GRID2: variants seen among roughly 807,000 people sequenced by gnomAD.
GRID2 encodes the protein glutamate ionotropic receptor delta type subunit 2, also known as glutamate receptor ionotropic, delta-2.
GRID2 carries 33 observed loss-of-function variants against 114.8 expected under a neutral mutation model. The ratio of observed to expected loss-of-function variants is 0.29; its 90% CI spans 0.22 to 0.38. The LOEUF is 0.38. GRID2 is among the 10% of genes least tolerant of loss of function. The probability of loss-of-function intolerance (pLI) is 1.00; values close to 1 mark genes in which losing one functional copy is unlikely to be tolerated. For synonymous variants in GRID2, 505 were observed against 449.9 expected (o/e 1.12, Z -1.55); for missense variants, 1,184 against 1,257.7 (o/e 0.94, Z 0.89).
At chr4:92,652,725 C>A (rs1019748216) in intron 2 of GRID2, among the ~76,000 whole-genome samples, 9 of 142,222 alleles carry the variant, frequency 6.3e-5, no homozygotes, top group Non-Finnish European at 1.4e-4. Context: ...AATCCCAGCA[C>A]TTTGGGAGGC....
intron 2 of GRID2, among the ~76,000 whole-genome samples, chr4:93,031,094 T>A (rs1233646924): frequency 6.9e-6 from 1 of 144,520 alleles, no homozygotes; most frequent in Non-Finnish European, 1.5e-5. Context: ...TGGAGTGCAG[T>A]GGCATGGTCT....
chr4:93,142,937 G>T lies in GRID2; in HGVS notation c.735+31984G>T, dbSNP rs551675428. Among the ~76,000 whole-genome samples, 10 of 152,280 alleles carry T rather than the reference G, an allele frequency of 6.6e-5. No individual in the cohort carries two copies. In the East Asian group the frequency reaches 1.5e-3, roughly 24 times the overall value. ...CAGCATCCATAGTATCAGCATTCAC[G>T]TTGGTTTCACATATTTCCCAGGTCA... On this transcript the variant is annotated intron_variant, in intron 4 of 15. Coordinates refer to ENST00000282020, the MANE Select transcript of GRID2 (RefSeq NM_001510.4).
intron 2 of GRID2, among the ~76,000 whole-genome samples, chr4:92,893,410 G>A (rs772277074): frequency 6.6e-6 from 1 of 152,114 alleles, no homozygotes; most frequent in Non-Finnish European, 1.5e-5. Context: ...GAAATAGGAA[G>A]GTATCTGGAT....
intron 2 of GRID2, among the ~76,000 whole-genome samples, chr4:92,901,006 C>T (rs1198811282): frequency 6.6e-6 from 1 of 151,344 alleles, no homozygotes; most frequent in Non-Finnish European, 1.5e-5. Context: ...GATGCCATAT[C>T]TTTGCTATTG....
At chr4:92,383,538 A>G (rs1729718835) in intron 1 of GRID2, among the ~76,000 whole-genome samples, 1 of 151,960 alleles carries the variant, frequency 6.6e-6, no homozygotes, top group Non-Finnish European at 1.5e-5. Context: ...CCCAGGGGTA[A>G]GGTATAGAAA....
chr4:93,407,778 ATCCTCCTCG>A (rs1766651891), intron 9 of GRID2, among the ~76,000 whole-genome samples: 1 of 58,678 alleles, frequency 1.7e-5, no homozygotes, highest in African/African-American at 5.3e-5. Flanking sequence ...CCTCCTCCTC[ATCCTCCTCG>A]TCCTCCTCCT....
intron 1 of GRID2, among the ~76,000 whole-genome samples, chr4:92,431,952 G>C (rs1732477609): frequency 6.6e-6 from 1 of 152,250 alleles, no homozygotes; most frequent in African/African-American, 2.4e-5. Context: ...GTCTGCATTG[G>C]GGGAACCCCA....
chr4:92,485,344 ATATAGTGT>A (rs1392074873), intron 1 of GRID2, among the ~76,000 whole-genome samples: 3 of 60,030 alleles, frequency 5.0e-5, no homozygotes, highest in Admixed American at 1.8e-4. Context: ...ATATATATAT[ATATAGTGT>A]GTGTGTGTGT....
chr4:93,801,193 C>A (rs1444987704), intron 1 of GRID2, among the ~76,000 whole-genome samples: 1 of 151,986 alleles, frequency 6.6e-6, no homozygotes, highest in Non-Finnish European at 1.5e-5. Flanking sequence ...TTTTCCCAAC[C>A]AATTAAACAA....
chr4:92,983,253 A>G (rs112998850), intron 2 of GRID2, among the ~76,000 whole-genome samples: 3 of 152,266 alleles, frequency 2.0e-5, no homozygotes, highest in African/African-American at 7.2e-5. Flanking sequence ...GGAAAATCCA[A>G]GAGCAAGTTC....
At chr4:92,883,579 T>A (rs1295196739) in intron 2 of GRID2, among the ~76,000 whole-genome samples, 1 of 152,328 alleles carries the variant, frequency 6.6e-6, no homozygotes, top group East Asian at 1.9e-4. Flanking sequence ...ATTTCTTAAA[T>A]AATGAGACTG....
rs377412963 is a variant in GRID2, at chr4:92,581,542, G to A, written c.89-8589G>A. 8.5e-5 allele frequency among the ~76,000 whole-genome samples: 13 copies of A among 152,114 alleles called. No individual in the cohort carries two copies. The South Asian group carries it at 1.9e-3, about 22-fold the overall frequency. On this transcript the variant is annotated intron_variant, in intron 1 of 15. Coordinates refer to ENST00000282020, the MANE Select transcript of GRID2 (RefSeq NM_001510.4). ...GGATAACTATACAGGTTTTCCAAAC[G>A]AAATGTGATTTCACATGTTATTGGA...
chr4:93,100,912 C>A (rs1384035347), intron 3 of GRID2, among the ~76,000 whole-genome samples: 2 of 151,970 alleles, frequency 1.3e-5, no homozygotes, highest in East Asian at 1.9e-4. Flanking sequence ...GAGAATGCCA[C>A]TAAATTTTGT....
intron 2 of GRID2, among the ~76,000 whole-genome samples, chr4:92,746,645 G>C (rs544592970): frequency 2.1e-4 from 32 of 152,082 alleles, no homozygotes; most frequent in African/African-American, 7.2e-4. Flanking sequence ...ATCTCTTTAC[G>C]TACTTACAGA....
intron 1 of GRID2, among the ~76,000 whole-genome samples, chr4:92,515,625 G>T (rs1724462687): frequency 6.6e-6 from 1 of 151,952 alleles, no homozygotes; most frequent in Non-Finnish European, 1.5e-5. Flanking sequence ...ACTTTCGAAA[G>T]TTTTATATTT....
chr4:93,501,839 A>C (rs915762241), intron 12 of GRID2, among the ~76,000 whole-genome samples: 1 of 152,032 alleles, frequency 6.6e-6, no homozygotes, highest in African/African-American at 2.4e-5. Flanking sequence ...ATTCTAGACA[A>C]ATCAAATCCT....
At chr4:93,094,345 G>A (rs919247792) in intron 3 of GRID2, among the ~76,000 whole-genome samples, 1 of 151,914 alleles carries the variant, frequency 6.6e-6, no homozygotes, top group South Asian at 2.1e-4. Flanking sequence ...ATATTTTAAG[G>A]ACACCTGGAA....
chr4:92,371,403 G>A (rs1729110249), intron 1 of GRID2, among the ~76,000 whole-genome samples: 1 of 152,130 alleles, frequency 6.6e-6, no homozygotes, highest in African/African-American at 2.4e-5. Flanking sequence ...CATGTTAGGG[G>A]CAAAGGTAGC....
At chr4:92,659,335 G>C (rs994936009) in intron 2 of GRID2, among the ~76,000 whole-genome samples, 1 of 151,468 alleles carries the variant, frequency 6.6e-6, no homozygotes, top group Non-Finnish European at 1.5e-5. Flanking sequence ...AATTAGAGAA[G>C]GGAAAGCTGG....
Sources: allele counts gnomAD v4.1 joint callset (sites outside exome capture counted in the v4.1 genomes callset), GRCh38; gene constraint gnomAD v4.1.1; transcripts MANE v1.5; gene names NCBI Gene and HGNC (gene_info 2026-07-23, HGNC 2026-07-21).